Variants in TENM2 observed in about 807,000 individuals in gnomAD.
TENM2 encodes teneurin-2.
A neutral mutation model predicts 245.2 loss-of-function variants in TENM2; 52 were observed. The observed-to-expected ratio is 0.21, with a 90% CI of 0.17 to 0.27. The LOEUF (loss-of-function observed/expected upper bound fraction) is 0.27. TENM2 is among the 10% of genes least tolerant of loss of function. The probability of loss-of-function intolerance (pLI) is 1.00; values close to 1 mark genes in which losing one functional copy is unlikely to be tolerated. For synonymous variants in TENM2, 1,363 were observed against 1,438.9 expected, an observed-to-expected ratio of 0.95 and a Z score of 1.19; for missense variants, 3,046 against 3,666.8, an observed-to-expected ratio of 0.83 and a Z score of 4.37.
At chr5:167,864,328 A>G (rs1017865023) in intron 2 of TENM2, among the ~76,000 whole-genome samples, 7 of 152,226 alleles carry the variant, frequency 4.6e-5, no homozygotes, top group African/African-American at 1.7e-4. Context: ...ATGCACTTTC[A>G]TCTATGTTAT....
At chr5:167,085,521 C>T in the TENM2 span, among the ~76,000 whole-genome samples, 3 of 152,112 alleles carry the variant, frequency 2.0e-5, no homozygotes, top group African/African-American at 7.2e-5. Flanking sequence ...ATGTTCTTTG[C>T]ATGCATTATT....
chr5:167,399,752 A>T (rs945701671), intron 2 of TENM2, among the ~76,000 whole-genome samples: 1 of 152,142 alleles, frequency 6.6e-6, no homozygotes, highest in African/African-American at 2.4e-5. Flanking sequence ...AAATATTTGA[A>T]ATGGGCTCAA....
chr5:167,953,894 C>T (rs1443267438), intron 4 of TENM2, among the ~76,000 whole-genome samples: 1 of 151,860 alleles, frequency 6.6e-6, no homozygotes, highest in Admixed American at 6.6e-5. Flanking sequence ...TTTATAAGAT[C>T]CTGAAAATTA....
the TENM2 span, among the ~76,000 whole-genome samples, chr5:167,091,904 A>G: frequency 6.6e-6 from 1 of 152,222 alleles, no homozygotes; most frequent in South Asian, 2.1e-4. Flanking sequence ...TTGACGTGGC[A>G]TTTATGACAT....
chr5:167,435,532 A>G (rs979972519), intron 2 of TENM2, among the ~76,000 whole-genome samples: 5 of 152,174 alleles, frequency 3.3e-5, no homozygotes, highest in African/African-American at 1.2e-4. Context: ...TCTTTTGTAA[A>G]TTACCCACTC....
intron 8 of TENM2, 57 bp from the exon 11 acceptor site, chr5:168,097,969 A>T (rs1793504090): frequency 7.4e-7 from 1 of 1,360,012 alleles, no homozygotes; most frequent in African/African-American, 1.4e-5. Context: ...CTGACGGTTA[A>T]ATTACTGCAC....
At chr5:168,204,985 A>G (rs1455835725) in intron 19 of TENM2, among the ~76,000 whole-genome samples, 1 of 152,220 alleles carries the variant, frequency 6.6e-6, no homozygotes, top group Non-Finnish European at 1.5e-5. Flanking sequence ...CTATCTGGCT[A>G]GCTCTCTATA....
chr5:167,719,341 G>T (rs1277207129), intron 2 of TENM2, among the ~76,000 whole-genome samples: 5 of 152,188 alleles, frequency 3.3e-5, no homozygotes, highest in Non-Finnish European at 5.9e-5. Flanking sequence ...TAGCACAGAG[G>T]ACTAGAGAGA....
chr5:168,246,711 C>A, intron 26 of TENM2, 46 bp from the exon 29 acceptor site: 2 of 1,566,876 alleles, frequency 1.3e-6, no homozygotes, highest in African/African-American at 1.4e-5. Flanking sequence ...AATGCTTGGT[C>A]CTCAAAAGCC....
At chr5:167,297,193 C>T (rs1455947469) in intron 1 of TENM2, among the ~76,000 whole-genome samples, 1 of 152,224 alleles carries the variant, frequency 6.6e-6, no homozygotes, top group African/African-American at 2.4e-5. Context: ...CTTAGAATCT[C>T]ACTTTTCACT....
At chr5:167,702,232 AT>A (rs1044962210) in intron 2 of TENM2, among the ~76,000 whole-genome samples, 1 of 152,180 alleles carries the variant, frequency 6.6e-6, no homozygotes, top group Admixed American at 6.6e-5. Flanking sequence ...CTGCCCACCC[AT>A]TCATTCAGTT....
chr5:167,032,234 G>T, the TENM2 span, among the ~76,000 whole-genome samples: 15 of 152,192 alleles, frequency 9.9e-5, no homozygotes, highest in African/African-American at 3.4e-4. Flanking sequence ...TTGCATGCAT[G>T]TAATTAAACA....
At chr5:167,756,200 G>C (rs1323833764) in intron 2 of TENM2, among the ~76,000 whole-genome samples, 1 of 152,060 alleles carries the variant, frequency 6.6e-6, no homozygotes, top group Non-Finnish European at 1.5e-5. Flanking sequence ...ACAAACCTAA[G>C]TTGCTGTTTC....
chr5:167,725,625 G>A (rs1427141079), intron 2 of TENM2, among the ~76,000 whole-genome samples: 1 of 152,016 alleles, frequency 6.6e-6, no homozygotes, highest in African/African-American at 2.4e-5. Context: ...TTCCCAATTG[G>A]ATCTTTTTAA....
At chr5:167,863,458 T>TAC (rs35475369) in intron 2 of TENM2, among the ~76,000 whole-genome samples, 6,135 of 143,280 alleles carry the variant, frequency 0.043, 139 homozygotes, top group Middle Eastern at 0.095. Flanking sequence ...CTACTAAAAA[T>TAC]ACACACACAC....
chr5:167,000,481 T>C, the TENM2 span, among the ~76,000 whole-genome samples: 1,188 of 152,270 alleles, frequency 7.8e-3, 12 homozygotes, highest in Middle Eastern at 0.024. Context: ...GACCTCTAAC[T>C]ACCAAACTTA....
rs139331284 is a variant in TENM2, at chr5:167,921,716, C to T, written c.713-30872C>T. 3.6e-3 allele frequency among the ~76,000 whole-genome samples: 553 copies of T among 152,026 alleles called. 3 individuals carry two copies. The highest frequency in any genetic ancestry group is 0.01 in the African/African-American group (422 of 41,462). Reference sequence around the variant, plus strand: ...CTCAGGGAGGGTGCTCGATGGGAGGCATGACAGAAATTATATTAATAATAA... The same window carrying T: ...CTCAGGGAGGGTGCTCGATGGGAGGTATGACAGAAATTATATTAATAATAA... On this transcript the variant is annotated intron_variant, in intron 3 of 28. Transcript: ENST00000518659.
intron 7 of TENM2, among the ~76,000 whole-genome samples, chr5:168,063,657 A>G (rs1790242597): frequency 6.6e-6 from 1 of 152,160 alleles, no homozygotes; most frequent in Non-Finnish European, 1.5e-5. Context: ...TCAGGCTACA[A>G]TTTCTTTACC....
At position 168,248,383 on chromosome 5, in the gene TENM2, G is replaced by A; in HGVS notation, c.7432+12G>A. 6.2e-7 allele frequency: 1 copy of A among 1,606,030 alleles called. No homozygotes were observed. Among genetic ancestry groups the A allele is most frequent in the Non-Finnish European group, 8.5e-7 (1 of 1,174,854 alleles). ...GAACTACGTGACAGGTGAGGATTCT[G>A]CCACCAAAGGTGGGCAGTGGCTCCC... On this transcript the variant is annotated intron_variant, in intron 27 of 28. Coordinates refer to ENST00000518659, the Ensembl canonical transcript of TENM2.
Sources: allele counts gnomAD v4.1 joint callset (sites outside exome capture counted in the v4.1 genomes callset), GRCh38; gene constraint gnomAD v4.1.1; transcripts MANE v1.5; gene names NCBI Gene and HGNC (gene_info 2026-07-23, HGNC 2026-07-21).